ATG4C: variants seen among roughly 807,000 people sequenced by gnomAD.
ATG4C encodes the protein autophagy related 4C cysteine peptidase.
Under a neutral mutation model 57.6 loss-of-function variants are expected in ATG4C, and 56 were observed. The ratio of observed to expected loss-of-function variants is 0.97; its 90% CI spans 0.78 to 1.21. The LOEUF is 1.21. Among genes scored for constraint, ATG4C ranks in the 50% most tolerant of loss-of-function variants. ATG4C has a pLI of 0.00. For missense variants in ATG4C, 595 were observed against 529.8 expected, an observed-to-expected ratio of 1.12 and a Z score of -1.21; for synonymous variants, 157 against 174.1, an observed-to-expected ratio of 0.90 and a Z score of 0.78.
At chr1:62,851,458 A>G (rs899045827) in intron 10 of ATG4C, among the ~76,000 whole-genome samples, 3 of 152,178 alleles carry the variant, frequency 2.0e-5, no homozygotes, top group African/African-American at 7.2e-5. Flanking sequence ...TCTAAGAACA[A>G]TAAGTCTTCC....
intron 10 of ATG4C, among the ~76,000 whole-genome samples, chr1:62,857,247 G>A (rs555504451): frequency 2.6e-5 from 4 of 152,240 alleles, no homozygotes; most frequent in East Asian, 1.9e-4. Flanking sequence ...ATCACTACTC[G>A]CATTACCACC....
rs771869494 is a variant in ATG4C at position 62,819,041 on chromosome 1, C to G, written c.431C>G (p.Ser144Ter). 2 of 1,580,654 alleles carry G rather than the reference C, an allele frequency of 1.3e-6. No homozygotes were observed. The highest frequency in any genetic ancestry group is 1.7e-6 in the Non-Finnish European group (2 of 1,164,988). ...TWPDALNIEN[S>*]DSESWTSHTV... ...CCTGATGCTTTGAATATTGAAAATT[C>G]AGACTCTGAATCATGGACTTCCCAC... The change falls in exon 5 of 11, where the codon TCA (serine) becomes TGA (stop). Residue 144 changes from serine to a stop codon, truncating the protein, a stop_gained. Transcript: ENST00000317868. LOFTEE classifies it high-confidence loss of function.
chr1:62,804,597 G>A (rs919001282), intron 2 of ATG4C, among the ~76,000 whole-genome samples: 4 of 151,998 alleles, frequency 2.6e-5, no homozygotes, highest in African/African-American at 9.7e-5. Flanking sequence ...TGTAAAGTTC[G>A]TGCACTGATA....
intron 6 of ATG4C, among the ~76,000 whole-genome samples, chr1:62,827,317 A>T (rs1266889738): frequency 6.6e-6 from 1 of 151,806 alleles, no homozygotes; most frequent in African/African-American, 2.4e-5. Context: ...CTTCTGCCTT[A>T]AGATACTCGC....
chr1:62,841,210 G>A (rs150723721), intron 9 of ATG4C, among the ~76,000 whole-genome samples: 1 of 152,114 alleles, frequency 6.6e-6, no homozygotes, highest in Non-Finnish European at 1.5e-5. Flanking sequence ...ATCACAAAAG[G>A]TTGAAATTTG....
intron 10 of ATG4C, among the ~76,000 whole-genome samples, chr1:62,850,854 G>GTATGTATA (rs1553230151): frequency 1.2e-5 from 1 of 84,138 alleles, no homozygotes; most frequent in Admixed American, 1.4e-4. Context: ...GTGTATGTAT[G>GTATGTATA]TATATATATA....
At chr1:62,812,930 C>T (rs1665135334) in intron 3 of ATG4C, among the ~76,000 whole-genome samples, 1 of 152,130 alleles carries the variant, frequency 6.6e-6, no homozygotes, top group African/African-American at 2.4e-5. Flanking sequence ...TGAAGGACCT[C>T]TTCAAGGAGA....
In ATG4C at chr1:62,841,430, A is replaced by G; in HGVS notation, c.1092A>G (p.Thr364=). Residue 364 remains threonine (T), a splice_region_variant and synonymous_variant, in exon 10 of 11, where the codon ACA becomes ACG. Coordinates refer to ENST00000317868, the MANE Select transcript of ATG4C (RefSeq NM_032852.4). ...DVSIKDFPLE[T]FHCPSPKKMS... ...CTAAAGAACTTTAAAAATTACAGAC[A>G]TTCCACTGCCCTTCTCCCAAAAAGA... 6.2e-7 allele frequency: 1 copy of G among 1,601,910 alleles called. No homozygotes were observed. Among genetic ancestry groups the G allele is most frequent in the Non-Finnish European group, 8.5e-7 (1 of 1,174,264 alleles).
intron 9 of ATG4C, 126 bp from the exon 10 acceptor site, chr1:62,841,301 TA>T: frequency 1.2e-6 from 1 of 834,626 alleles, no homozygotes; most frequent in Non-Finnish European, 1.8e-6. Context: ...TAGGATGAAC[TA>T]AAACACCATT....
chr1:62,850,854 G>GTGTGTGTA (rs1402010901), intron 10 of ATG4C, among the ~76,000 whole-genome samples: 12 of 84,114 alleles, frequency 1.4e-4, no homozygotes, highest in African/African-American at 3.7e-4. Flanking sequence ...GTGTATGTAT[G>GTGTGTGTA]TATATATATA....
At position 62,841,431 on chromosome 1, in the gene ATG4C, T is replaced by G. The variant is rs1666162014; in HGVS notation, c.1093T>G (p.Phe365Val). The change falls in exon 10 of 11, where the codon TTC (phenylalanine) becomes GTC (valine). Residue 365 changes from phenylalanine to valine, a missense_variant. Phe to Val is a conservative substitution (Grantham distance 50). Transcript: ENST00000317868. Reference protein sequence around the residue: ...VSIKDFPLETFHCPSPKKMSF... With the variant: ...VSIKDFPLETVHCPSPKKMSF... The stretch of plus-strand genomic sequence containing the variant: ...TAAAGAACTTTAAAAATTACAGACA[T>G]TCCACTGCCCTTCTCCCAAAAAGAT... 1 of 1,602,764 alleles carries G rather than the reference T, an allele frequency of 6.2e-7. No individual in the cohort carries two copies. The highest frequency in any genetic ancestry group is 8.5e-7 in the Non-Finnish European group (1 of 1,174,390).
chr1:62,836,290 T>G (rs1665997325), intron 9 of ATG4C, among the ~76,000 whole-genome samples: 3 of 152,106 alleles, frequency 2.0e-5, no homozygotes, highest in Admixed American at 2.0e-4. Flanking sequence ...GATTTTACTG[T>G]GTAAGGTAAA....
chr1:62,802,199 T>A (rs1222544971), intron 1 of ATG4C, among the ~76,000 whole-genome samples: 1 of 151,970 alleles, frequency 6.6e-6, no homozygotes, highest in African/African-American at 2.4e-5. Context: ...ATCCATTGTA[T>A]CACCAAGACT....
rs77361141 is a variant in ATG4C at position 62,823,232 on chromosome 1, C to T, written c.796+2023C>T. Among the ~76,000 whole-genome samples, 23 of 152,314 alleles carry T rather than the reference C, an allele frequency of 1.5e-4. No homozygotes were observed. The East Asian group carries it at 3.1e-3, about 20-fold the overall frequency. ...GCCACCTTTCAAATATCTCCACTTA[C>T]GTATTCTACAAACACTTCAAATTCA... On this transcript the variant is annotated intron_variant, in intron 6 of 10. Transcript: ENST00000317868.
intron 10 of ATG4C, 83 bp downstream of exon 10, chr1:62,841,630 A>G: frequency 2.6e-6 from 3 of 1,151,920 alleles, no homozygotes; most frequent in Non-Finnish European, 2.4e-6. Flanking sequence ...CCTGTAAATT[A>G]TAATTTTTTA....
At chr1:62,795,446 G>A (rs1348158834) in intron 1 of ATG4C, among the ~76,000 whole-genome samples, 1 of 152,148 alleles carries the variant, frequency 6.6e-6, no homozygotes, top group Non-Finnish European at 1.5e-5. Flanking sequence ...TCTTCACTGT[G>A]CTTTTTGTAT....
At chr1:62,860,565 T>C (rs1307348504) in intron 10 of ATG4C, among the ~76,000 whole-genome samples, 1 of 152,224 alleles carries the variant, frequency 6.6e-6, no homozygotes, top group Admixed American at 6.5e-5. Flanking sequence ...TTGACTGAAA[T>C]GTTATTCTGT....
Position 62,827,796 on chromosome 1 carries a change from CCT to C in ATG4C, c.797-1236_797-1235del, listed in dbSNP as rs1665713286. Among the ~76,000 whole-genome samples, 10 of 99,474 alleles carry C rather than the reference CCT, an allele frequency of 1.0e-4. No homozygotes were observed. The Admixed American group carries it at 1.3e-3, about 13-fold the overall frequency. 65.3% of individuals were successfully genotyped at this position (99,474 alleles called of 152,430 possible). On this transcript the variant is annotated intron_variant, in intron 6 of 10. Coordinates refer to ENST00000317868, the MANE Select transcript of ATG4C (RefSeq NM_032852.4). Reference sequence around the variant, plus strand: ...GTACCCAGTAGTTATTTTTTCTGCTCCTCTCTCTCCTCCACCCTCCATCCTCA... The same window carrying C: ...GTACCCAGTAGTTATTTTTTCTGCTCCTCTCTCCTCCACCCTCCATCCTCA...
At chr1:62,840,676 T>G (rs534197666) in intron 9 of ATG4C, among the ~76,000 whole-genome samples, 1 of 152,290 alleles carries the variant, frequency 6.6e-6, no homozygotes, top group Non-Finnish European at 1.5e-5. Flanking sequence ...GATGCCAAAC[T>G]CTACTAACAG....
Sources: allele counts gnomAD v4.1 joint callset (sites outside exome capture counted in the v4.1 genomes callset), GRCh38; gene constraint gnomAD v4.1.1; transcripts MANE v1.5; gene names NCBI Gene and HGNC (gene_info 2026-07-23, HGNC 2026-07-21).